The following HLCS variants were observed in gnomAD, a reference collection of about 807,000 sequenced individuals.
The protein encoded by HLCS is biotin--protein ligase.
A neutral mutation model predicts 75.0 loss-of-function variants in HLCS; 53 were observed. That is an observed-to-expected ratio of 0.71 (90% CI 0.57 to 0.89). The LOEUF is 0.89. HLCS is among the 40% of genes least tolerant of loss of function. HLCS has a pLI of 0.00. For synonymous variants in HLCS, 431 were observed against 428.6 expected (o/e 1.01, Z -0.07); for missense variants, 966 against 1,074.0 (o/e 0.90, Z 1.41).
intron 6 of HLCS, among the ~76,000 whole-genome samples, chr21:36,840,063 T>A (rs2146091155): frequency 6.6e-6 from 1 of 152,354 alleles, no homozygotes; most frequent in Non-Finnish European, 1.5e-5. Context: ...AGGTTAAGGA[T>A]GTACCTTAAA....
intron 6 of HLCS, among the ~76,000 whole-genome samples, chr21:36,890,925 T>C (rs544735920): frequency 2.6e-5 from 4 of 152,340 alleles, no homozygotes; most frequent in African/African-American, 9.6e-5. Flanking sequence ...CTTGGTAGTC[T>C]GAAAAACTGA....
rs749728724 is a variant in HLCS at position 36,767,243 on chromosome 21, G to A, written c.1935C>T (p.Ile645=). Residue 645 remains isoleucine, a synonymous_variant, in exon 7 of 11, where the codon ATC becomes ATT. Coordinates refer to ENST00000674895, the MANE Select transcript of HLCS (RefSeq NM_001352514.2). ...CTTTGCCCTCGGTCTGCCGGGCCGC[G>A]ATCACTATTAAGCCCATTTCCTGCG... ...QTPQEMGLIV[I]AARQTEGKGR... 36 of 1,614,030 alleles carry A rather than the reference G, an allele frequency of 2.2e-5. No individual in the cohort carries two copies. Among genetic ancestry groups the A allele is most frequent in the Non-Finnish European group, 2.7e-5 (32 of 1,180,024 alleles).
At chr21:36,905,110 A>G (rs73214738) in intron 5 of HLCS, among the ~76,000 whole-genome samples, 18,375 of 152,300 alleles carry the variant, frequency 0.12, 1,453 homozygotes, top group Non-Finnish European at 0.18. Context: ...CATAATTTGT[A>G]TAAGTGCTTA....
chr21:36,748,633 A>AT lies in HLCS; in HGVS notation c.*5612dup, dbSNP rs894042395. ...TTAAAAGTCATTCAAGAGTCTCATT[A>AT]TTTTTGTTTTTATTTAACCCTTTCT... On this transcript the variant is annotated 3_prime_UTR_variant, in exon 11 of 11. Transcript: ENST00000674895. 3.3e-5 allele frequency: 5 copies of AT among 152,318 alleles called. No individual in the cohort carries two copies. The highest frequency in any genetic ancestry group is 1.2e-4 in the African/African-American group (5 of 41,458). 9.4% of individuals were successfully genotyped at this position (152,318 alleles called of 1,614,324 possible).
At chr21:36,879,142 A>T (rs56253922) in intron 6 of HLCS, among the ~76,000 whole-genome samples, 4 of 152,170 alleles carry the variant, frequency 2.6e-5, no homozygotes, top group Non-Finnish European at 2.9e-5. Context: ...ATTGGAATAT[A>T]ACATAATTAT....
chr21:36,796,638 C>T (rs2061033442), intron 6 of HLCS, among the ~76,000 whole-genome samples: 1 of 152,166 alleles, frequency 6.6e-6, no homozygotes, highest in Non-Finnish European at 1.5e-5. Flanking sequence ...AGTCTTCCCA[C>T]AGACTCTACC....
At position 36,754,072 on chromosome 21, in the gene HLCS, T is replaced by C; in HGVS notation, c.*174A>G. On this transcript the variant is annotated 3_prime_UTR_variant, in exon 11 of 11. Coordinates refer to ENST00000674895, the MANE Select transcript of HLCS (RefSeq NM_001352514.2). Reference sequence around the variant, plus strand: ...TCTTAACCATCTATCCCAGAGCCTCTTCAAACACCAAAGAAAACGACAACA... The same window carrying C: ...TCTTAACCATCTATCCCAGAGCCTCCTCAAACACCAAAGAAAACGACAACA... 2 of 751,916 alleles carry C rather than the reference T, an allele frequency of 2.7e-6. No homozygotes were observed. Among genetic ancestry groups the C allele is most frequent in the Admixed American group, 5.1e-5 (2 of 39,008 alleles). The allele number at this position is 751,916 out of a possible 1,614,324, so 46.6% of individuals were successfully genotyped here.
At chr21:36,839,911 G>A (rs936095869) in intron 6 of HLCS, among the ~76,000 whole-genome samples, 3 of 152,192 alleles carry the variant, frequency 2.0e-5, no homozygotes, top group African/African-American at 4.8e-5. Context: ...CCAAGATGAC[G>A]TAATAACAAA....
At chr21:36,827,312 T>G (rs1393916705) in intron 6 of HLCS, among the ~76,000 whole-genome samples, 3 of 152,128 alleles carry the variant, frequency 2.0e-5, no homozygotes, top group African/African-American at 7.2e-5. Flanking sequence ...CTCACACTTG[T>G]AATCCCAGCA....
intron 6 of HLCS, among the ~76,000 whole-genome samples, chr21:36,858,392 AAGAG>A (rs2063270175): frequency 6.6e-6 from 1 of 152,220 alleles, no homozygotes; most frequent in South Asian, 2.1e-4. Flanking sequence ...CTTTGTTTCC[AAGAG>A]ATGCCATGAC....
chr21:36,938,986 C>T lies in HLCS; in HGVS notation c.339G>A (p.Lys113=), dbSNP rs768505573. The T allele has an allele frequency of 1.2e-6, 2 of 1,606,778 alleles. No homozygotes were observed. Among genetic ancestry groups the T allele is most frequent in the Non-Finnish European group, 8.5e-7 (1 of 1,179,276 alleles). The change falls in exon 3 of 11, where the codon AAG becomes AAA. Residue 113 remains lysine, a synonymous_variant. Transcript: ENST00000674895. ...QRSSSSETIV[K]WSDCCLPLAC... ...CTAATGGCAAACAACAGTCTGACCA[C>T]TTGACAATCTGAGAAAAAGCAGGAG... is the stretch of plus-strand genomic sequence containing the variant.
intron 6 of HLCS, among the ~76,000 whole-genome samples, chr21:36,778,504 C>T (rs1292115566): frequency 6.6e-6 from 1 of 151,940 alleles, no homozygotes; most frequent in Non-Finnish European, 1.5e-5. Flanking sequence ...GTCTCTAACT[C>T]CCGACCTCAG....
chr21:36,888,445 A>AAATAT (rs2064596202), intron 6 of HLCS, among the ~76,000 whole-genome samples: 3 of 24,108 alleles, frequency 1.2e-4, no homozygotes, highest in Admixed American at 7.5e-4. Context: ...AAAAAAAAAA[A>AAATAT]ATATATATAT....
Position 36,823,099 on chromosome 21 carries a change from T to C in HLCS, c.1893-55814A>G, listed in dbSNP as rs150821381. ...TTAAATGAATCTAAGACCCCGCTGA[T>C]GGTAGTATACATCCCAATTTCAGAA... On this transcript the variant is annotated intron_variant, in intron 6 of 10. Transcript: ENST00000674895. Among the ~76,000 whole-genome samples, 362 of 152,340 alleles carry C rather than the reference T, an allele frequency of 2.4e-3. 1 individual carries two copies. Among genetic ancestry groups the C allele is most frequent in the African/African-American group, 8.1e-3 (335 of 41,582 alleles).
chr21:36,990,084 C>T (rs2069321610), intron 1 of HLCS: 1 of 152,332 alleles, frequency 6.6e-6, no homozygotes, highest in African/African-American at 2.4e-5. Flanking sequence ...GGTGGACTGC[C>T]TGACCCTCGC....
chr21:36,925,521 C>T (rs2066363597), intron 5 of HLCS, among the ~76,000 whole-genome samples: 1 of 152,166 alleles, frequency 6.6e-6, no homozygotes, highest in African/African-American at 2.4e-5. Context: ...GCAGCACGTC[C>T]AGTTCCCCAA....
At chr21:36,902,332 C>T (rs539329149) in intron 5 of HLCS, among the ~76,000 whole-genome samples, 8 of 152,282 alleles carry the variant, frequency 5.3e-5, no homozygotes, top group African/African-American at 1.9e-4. Context: ...GAAAAGAATC[C>T]AAAGGGCCAA....
intron 4 of HLCS, among the ~76,000 whole-genome samples, chr21:36,931,983 C>T (rs1043319154): frequency 2.0e-5 from 3 of 152,084 alleles, no homozygotes; most frequent in Non-Finnish European, 2.9e-5. Context: ...TGAACCGATG[C>T]GTCTACATGG....
chr21:36,919,431 T>C (rs1322386433), intron 5 of HLCS, among the ~76,000 whole-genome samples: 1 of 152,240 alleles, frequency 6.6e-6, no homozygotes, highest in Non-Finnish European at 1.5e-5. Context: ...GATATGGTTG[T>C]TATGTCCTGA....
Sources: allele counts gnomAD v4.1 joint callset (sites outside exome capture counted in the v4.1 genomes callset), GRCh38; gene constraint gnomAD v4.1.1; transcripts MANE v1.5; gene names NCBI Gene and HGNC (gene_info 2026-07-23, HGNC 2026-07-21).